The following EAF1 variants were observed in gnomAD, a reference collection of about 807,000 sequenced individuals.
The protein encoded by EAF1 is ELL associated factor 1.
Under a neutral mutation model 26.6 loss-of-function variants are expected in EAF1, and 19 were observed. That is an observed-to-expected ratio of 0.71 (90% CI 0.50 to 1.05). The LOEUF is 1.05. Ranked by LOEUF, EAF1 falls within the 50% of genes least tolerant of loss-of-function variation. EAF1 has a pLI of 0.00. For missense variants in EAF1, 260 were observed against 335.5 expected, an observed-to-expected ratio of 0.78 and a Z score of 1.76; for synonymous variants, 102 against 120.6, an observed-to-expected ratio of 0.85 and a Z score of 1.01.
chr3:15,440,721 AGGTAATAGGTCTACGCTAGGACCC>A lies in EAF1; in HGVS notation c.*1567_*1590del, dbSNP rs1391235996. On this transcript the variant is annotated 3_prime_UTR_variant, in exon 6 of 6. Transcript: ENST00000396842. ...ATGCTCACACCACCTACCCTAGTGTAGGTAATAGGTCTACGCTAGGACCCCGTGCTGGGCTCTCAGCCCATCATG... is the reference window on the plus strand; with the variant it reads ...ATGCTCACACCACCTACCCTAGTGTACGTGCTGGGCTCTCAGCCCATCATG... 6.6e-6 allele frequency: 1 copy of A among 152,650 alleles called. No homozygotes were observed. Among genetic ancestry groups the A allele is most frequent in the African/African-American group, 2.4e-5 (1 of 41,448 alleles). The allele number at this position is 152,650 out of a possible 1,614,324, so 9.5% of individuals were successfully genotyped here.
intron 1 of EAF1, 88 bp downstream of exon 1, chr3:15,427,970 A>C (rs984556557): frequency 9.0e-7 from 1 of 1,111,104 alleles, no homozygotes; most frequent in Admixed American, 2.9e-5. Flanking sequence ...TCGGCCCTTC[A>C]GATTCCAGGG....
Position 15,434,334 on chromosome 3 carries a change from G to C in EAF1, c.336-14G>C. On this transcript the variant is annotated splice_polypyrimidine_tract_variant and intron_variant, in intron 3 of 5. Transcript: ENST00000396842. ...TTTTTGCCCTGCTAATTTAATGTCT[G>C]TATCTCCTTTCAGAGCTGAGGGCAG... is the stretch of plus-strand genomic sequence containing the variant. 6.2e-7 allele frequency: 1 copy of C among 1,612,550 alleles called. No homozygotes were observed. The highest frequency in any genetic ancestry group is 8.5e-7 in the Non-Finnish European group (1 of 1,178,714).
chr3:15,441,172 G>A lies in EAF1; in HGVS notation c.*2017G>A, dbSNP rs1366230716. On this transcript the variant is annotated 3_prime_UTR_variant, in exon 6 of 6. Transcript: ENST00000396842. The stretch of plus-strand genomic sequence containing the variant: ...CCTGTCATCTGTCCTGCCCAACACT[G>A]TATGGTTTTTCTCTAGCACGGCTTC... The A allele has an allele frequency of 6.5e-6, 1 of 153,806 alleles. No individual in the cohort carries two copies. Among genetic ancestry groups the A allele is most frequent in the Non-Finnish European group, 1.5e-5 (1 of 68,128 alleles). 9.5% of individuals were successfully genotyped at this position (153,806 alleles called of 1,614,324 possible).
At chr3:15,434,927 TAG>T (rs2061825833) in intron 4 of EAF1, among the ~76,000 whole-genome samples, 1 of 152,150 alleles carries the variant, frequency 6.6e-6, no homozygotes, top group Admixed American at 6.5e-5. Flanking sequence ...CATTAGTATA[TAG>T]GCTGGAGGAG....
At chr3:15,428,011 C>G in intron 1 of EAF1, 129 bp downstream of exon 1, 1 of 728,694 alleles carries the variant, frequency 1.4e-6, no homozygotes, top group Non-Finnish European at 2.2e-6. Context: ...TACTTTCTCT[C>G]GAACCCCAAA....
rs146901213 is a variant in EAF1 at position 15,436,521 on chromosome 3, G to A, written c.706G>A (p.Val236Ile). 1.2e-4 allele frequency: 195 copies of A among 1,594,416 alleles called. No individual in the cohort carries two copies. The highest frequency in any genetic ancestry group is 1.5e-4 in the Non-Finnish European group (173 of 1,163,486). Residue 236 changes from valine (V) to isoleucine (I), a missense_variant, in exon 5 of 6, where the codon GTT (valine) becomes ATT (isoleucine). Coordinates refer to ENST00000396842, the MANE Select transcript of EAF1 (RefSeq NM_033083.7). ...GCAGCCCTACAACAGTAGGCCTGCCGTTGCCAATGGAACCAGCCGGCCACA... is the reference window on the plus strand; with the variant it reads ...GCAGCCCTACAACAGTAGGCCTGCCATTGCCAATGGAACCAGCCGGCCACA... ...HQQPYNSRPA[V>I]ANGTSRPQGS... is the part of the protein sequence containing the mutation.
intron 2 of EAF1, 135 bp downstream of exon 2, chr3:15,430,142 TG>T: frequency 1.5e-6 from 1 of 647,706 alleles, no homozygotes; most frequent in South Asian, 2.0e-5. Context: ...AAAGTAATTT[TG>T]GGGAGTGGGG....
At chr3:15,435,316 A>C (rs1452391286) in intron 4 of EAF1, among the ~76,000 whole-genome samples, 6 of 152,188 alleles carry the variant, frequency 3.9e-5, no homozygotes, top group Non-Finnish European at 8.8e-5. Flanking sequence ...GACTCTTTAG[A>C]AGTTGTGAGG....
chr3:15,434,403 C>T lies in EAF1; in HGVS notation c.391C>T (p.Pro131Ser), dbSNP rs770331205. The part of the protein sequence containing the change: ...ARMEQQPTRP[P>S]QTSQPPPPPP... Reference sequence around the variant, plus strand: ...AATGGAACAGCAGCCCACTCGTCCTCCACAGACGTCACAGCCACCACCACC... The same window carrying T: ...AATGGAACAGCAGCCCACTCGTCCTTCACAGACGTCACAGCCACCACCACC... Residue 131 changes from proline to serine, a missense_variant, in exon 4 of 6, where the codon CCA becomes TCA. Physicochemically the swap from Pro to Ser is moderately conservative, Grantham distance 74. Transcript: ENST00000396842. 18 of 1,614,220 alleles carry T rather than the reference C, an allele frequency of 1.1e-5. No homozygotes were observed. The highest frequency in any genetic ancestry group is 1.5e-5 in the Non-Finnish European group (18 of 1,180,036).
In EAF1 at chr3:15,442,208, G is replaced by GGTGTGTGTGTGTGTGT. The variant is rs3067737; in HGVS notation, c.*3066_*3081dup. 7.0e-4 allele frequency: 103 copies of GGTGTGTGTGTGTGTGT among 148,118 alleles called. No homozygotes were observed. The highest frequency in any genetic ancestry group is 2.4e-3 in the African/African-American group (98 of 40,470). 9.2% of individuals were successfully genotyped at this position (148,118 alleles called of 1,614,324 possible). A position where few individuals can be genotyped will look rare whatever the true frequency, so the allele number is the denominator to read the frequency against. Reference sequence around the variant, plus strand: ...CCTATTTGAGAGGCTGGTTCAGCAGGGTGTGTGTGTGTGTGTGTGTGTGTG... The same window carrying GGTGTGTGTGTGTGTGT: ...CCTATTTGAGAGGCTGGTTCAGCAGGGTGTGTGTGTGTGTGTGTGTGTGTGTGTGTGTGTGTGTGTG... On this transcript the variant is annotated 3_prime_UTR_variant, in exon 6 of 6. Transcript: ENST00000396842.
At position 15,436,450 on chromosome 3, in the gene EAF1, G is replaced by A; in HGVS notation, c.635G>A (p.Gly212Glu). Residue 212 changes from glycine to glutamate, a missense_variant, in exon 5 of 6, where the codon GGA becomes GAA. Transcript: ENST00000396842. The stretch of plus-strand genomic sequence containing the variant: ...AGTGATGACGATAGCTCCAGCAGTG[G>A]AGGCGAGGACAATGGCCCAGCCTCT... ...SGSDDDSSSS[G>E]GEDNGPASPP... 2 of 1,613,800 alleles carry A rather than the reference G, an allele frequency of 1.2e-6. No homozygotes were observed. Among genetic ancestry groups the A allele is most frequent in the Non-Finnish European group, 1.7e-6 (2 of 1,179,716 alleles).
rs1465492352 is a variant in EAF1, at chr3:15,441,481, A to T, written c.*2326A>T. On this transcript the variant is annotated 3_prime_UTR_variant, in exon 6 of 6. Coordinates refer to ENST00000396842, the MANE Select transcript of EAF1 (RefSeq NM_033083.7). ...CCCACATGGAGTGCCCTGTGTGTAC[A>T]TACTGACCTTTTTTTTTTTTTTTTT... 1 of 138,826 alleles carries T rather than the reference A, an allele frequency of 7.2e-6. No homozygotes were observed. Among genetic ancestry groups the T allele is most frequent in the African/African-American group, 2.8e-5 (1 of 35,828 alleles). 8.6% of individuals were successfully genotyped at this position (138,826 alleles called of 1,614,324 possible).
At position 15,440,426 on chromosome 3, in the gene EAF1, T is replaced by C. The variant is rs2061858597; in HGVS notation, c.*1271T>C. 1 of 152,234 alleles carries C rather than the reference T, an allele frequency of 6.6e-6. No individual in the cohort carries two copies. The highest frequency in any genetic ancestry group is 6.5e-5 in the Admixed American group (1 of 15,286). 9.4% of individuals were successfully genotyped at this position (152,234 alleles called of 1,614,324 possible). A position where few individuals can be genotyped will look rare whatever the true frequency, so the allele number is the denominator to read the frequency against. On this transcript the variant is annotated 3_prime_UTR_variant, in exon 6 of 6. Transcript: ENST00000396842. Reference sequence around the variant, plus strand: ...GTGATAAATCATCCTGTAATCAGTATGGAGTAACCTGTTTTTGTAGTTTGG... The same window carrying C: ...GTGATAAATCATCCTGTAATCAGTACGGAGTAACCTGTTTTTGTAGTTTGG...
rs11914325 is a variant in EAF1, at chr3:15,441,399, C to T, written c.*2244C>T. ...CTCATTCTCCTTCTCTCCCTCCATA[C>T]CCCACTTTTGAGGTTCTGTGGGTAC... On this transcript the variant is annotated 3_prime_UTR_variant, in exon 6 of 6. Coordinates refer to ENST00000396842, the MANE Select transcript of EAF1 (RefSeq NM_033083.7). 6,484 of 153,698 alleles carry T rather than the reference C, an allele frequency of 0.042. 351 individuals are homozygous for T. The highest frequency in any genetic ancestry group is 0.13 in the African/African-American group (5,237 of 41,404). 9.5% of individuals were successfully genotyped at this position (153,698 alleles called of 1,614,324 possible).
In EAF1 at chr3:15,438,978, A is replaced by T. The variant is rs1032098870; in HGVS notation, c.761-131A>T. The T allele has an allele frequency of 4.9e-6, 4 of 811,798 alleles. No homozygotes were observed. The African/African-American group carries it at 5.2e-5, about 11-fold the overall frequency. 50.3% of individuals were successfully genotyped at this position (811,798 alleles called of 1,614,324 possible). The stretch of plus-strand genomic sequence containing the variant: ...GTGAGCCAATTTGATTTTCTTCCCT[A>T]AGTTGAATTAACAAGGTTTTACTGT... On this transcript the variant is annotated intron_variant, in intron 5 of 5. Transcript: ENST00000396842.
chr3:15,437,896 G>A (rs2061844585), intron 5 of EAF1, among the ~76,000 whole-genome samples: 1 of 152,128 alleles, frequency 6.6e-6, no homozygotes, highest in Non-Finnish European at 1.5e-5. Flanking sequence ...GGATGTTTAA[G>A]AGCATCCCTG....
intron 4 of EAF1, 68 bp from the exon 5 acceptor site, chr3:15,436,274 A>G: frequency 8.2e-7 from 1 of 1,223,278 alleles, no homozygotes; most frequent in East Asian, 2.5e-5. Flanking sequence ...TTTACTATTT[A>G]TAGAAGCTCC....
Position 15,439,307 on chromosome 3 carries a change from T to A in EAF1, c.*152T>A. On this transcript the variant is annotated 3_prime_UTR_variant, in exon 6 of 6. Transcript: ENST00000396842. Reference sequence around the variant, plus strand: ...TGGAACTCTCACATATTCAAGTCTTTAACTTAGTGGTGATGGGTGATTTTC... The same window carrying A: ...TGGAACTCTCACATATTCAAGTCTTAAACTTAGTGGTGATGGGTGATTTTC... 1.6e-6 allele frequency: 1 copy of A among 616,970 alleles called. No homozygotes were observed. The highest frequency in any genetic ancestry group is 2.7e-6 in the Non-Finnish European group (1 of 368,576). 38.2% of individuals were successfully genotyped at this position (616,970 alleles called of 1,614,324 possible).
At chr3:15,433,180 A>C (rs554181216) in intron 3 of EAF1, 1 of 150,892 alleles carries the variant, frequency 6.6e-6, no homozygotes, top group Non-Finnish European at 1.5e-5. Context: ...TCTCTGTATC[A>C]TTCCAATTTT....
Sources: gnomAD v4.1 joint callset for allele counts (sites outside exome capture counted in the v4.1 genomes callset) on GRCh38, gnomAD v4.1.1 for gene constraint, MANE v1.5 for transcripts, NCBI Gene and HGNC (gene_info 2026-07-23, HGNC 2026-07-21) for gene names.